The following RTN1 variants were observed in gnomAD, a reference collection of about 807,000 sequenced individuals.
RTN1 encodes the protein reticulon-1.
A neutral mutation model predicts 65.5 loss-of-function variants in RTN1; 25 were observed. The observed-to-expected ratio is 0.38, with a 90% CI of 0.28 to 0.53. RTN1 has a LOEUF of 0.53. Ranked by LOEUF, RTN1 falls within the 20% of genes least tolerant of loss-of-function variation. The pLI, the probability that RTN1 is intolerant of heterozygous loss-of-function variation, is 0.79. For synonymous variants in RTN1, 471 were observed against 447.6 expected, an observed-to-expected ratio of 1.05 and a Z score of -0.66; for missense variants, 983 against 1,025.4, an observed-to-expected ratio of 0.96 and a Z score of 0.57.
intron 1 of RTN1, among the ~76,000 whole-genome samples, chr14:59,780,277 T>C (rs1886129413): frequency 6.6e-6 from 1 of 152,186 alleles, no homozygotes. Flanking sequence ...TGGAGGGTTC[T>C]CAGGAAATAC....
intron 1 of RTN1, 36 bp from the exon 2 acceptor site, chr14:59,746,517 GC>G: frequency 5.2e-6 from 8 of 1,525,682 alleles, no homozygotes; most frequent in Non-Finnish European, 7.0e-6. Context: ...GTGAGTGGGT[GC>G]TTGGCGTCAG....
chr14:59,812,978 A>G (rs1886756288), intron 1 of RTN1, among the ~76,000 whole-genome samples: 1 of 152,170 alleles, frequency 6.6e-6, no homozygotes, highest in African/African-American at 2.4e-5. Flanking sequence ...TTTCTTTTAC[A>G]AAAAAAGACA....
intron 8 of RTN1, among the ~76,000 whole-genome samples, chr14:59,600,500 C>A (rs1311228460): frequency 6.6e-6 from 1 of 152,144 alleles, no homozygotes; most frequent in Admixed American, 6.5e-5. Flanking sequence ...ATGTTCTTAA[C>A]TGTACCACTA....
intron 1 of RTN1, among the ~76,000 whole-genome samples, chr14:59,850,886 C>G (rs1283681554): frequency 6.6e-6 from 1 of 152,112 alleles, no homozygotes; most frequent in Admixed American, 6.5e-5. Flanking sequence ...TTTTCTCTTG[C>G]AAAAGTTTCT....
At position 59,868,708 on chromosome 14, in the gene RTN1, G is replaced by A. The variant is rs1341444523; in HGVS notation, c.241+1682C>T. Among the ~76,000 whole-genome samples the A allele has an allele frequency of 2.0e-5, 3 of 152,142 alleles. No individual in the cohort carries two copies. The highest frequency in any genetic ancestry group is 4.8e-5 in the African/African-American group (2 of 41,436). On this transcript the variant is annotated intron_variant, in intron 1 of 8. Transcript: ENST00000267484. The surrounding 1 kb of genome is among the most constrained non-coding windows in gnomAD (Gnocchi z 4.0). ...TTGTGGATATGTTACTGAGCATGGG[G>A]CACTTAGCTTCCTTTTTCTAGTTCA...
chr14:59,860,363 T>C (rs1016880249), intron 1 of RTN1, among the ~76,000 whole-genome samples: 15 of 152,194 alleles, frequency 9.9e-5, no homozygotes, highest in African/African-American at 2.9e-4. Context: ...AAATCAAGAA[T>C]TGAGGTTTGG....
intron 6 of RTN1, 58 bp downstream of exon 6, chr14:59,603,794 A>G: frequency 5.1e-6 from 7 of 1,380,498 alleles, no homozygotes; most frequent in Non-Finnish European, 7.2e-6. Context: ...ACAGCCTAGG[A>G]AGCAGCGTTT....
intron 3 of RTN1, among the ~76,000 whole-genome samples, chr14:59,699,084 G>T (rs1012181985): frequency 1.3e-5 from 2 of 152,048 alleles, no homozygotes; most frequent in Non-Finnish European, 1.5e-5. Flanking sequence ...AATAGATGTT[G>T]CTGGAAACAT....
intron 1 of RTN1, among the ~76,000 whole-genome samples, chr14:59,852,178 G>A (rs17096709): frequency 0.14 from 20,698 of 152,092 alleles, 1,703 homozygotes; most frequent in South Asian, 0.25. Flanking sequence ...AATTTTCTAC[G>A]TATAATGGCA....
intron 1 of RTN1, among the ~76,000 whole-genome samples, chr14:59,781,673 A>G (rs1325244136): frequency 6.6e-6 from 1 of 152,072 alleles, no homozygotes; most frequent in African/African-American, 2.4e-5. Flanking sequence ...CCATATTTCC[A>G]TTATTATTTG....
chr14:59,676,527 C>G (rs895750249), intron 3 of RTN1, among the ~76,000 whole-genome samples: 3 of 152,102 alleles, frequency 2.0e-5, no homozygotes, highest in Non-Finnish European at 4.4e-5. Flanking sequence ...TAGATGATAC[C>G]TACCTAATCG....
In RTN1 at chr14:59,669,008, G is replaced by A. The variant is rs910824269; in HGVS notation, c.1765+57911C>T. Among the ~76,000 whole-genome samples the A allele has an allele frequency of 3.9e-5, 6 of 152,114 alleles. No homozygotes were observed. In the South Asian group the frequency reaches 1.0e-3, roughly 26 times the overall value. Reference sequence around the variant, plus strand: ...AGGCACCCTTTTACACTCTTGGTGGGAGTGTAAATTAGTTCAACCACTGTG... The same window carrying A: ...AGGCACCCTTTTACACTCTTGGTGGAAGTGTAAATTAGTTCAACCACTGTG... On this transcript the variant is annotated intron_variant, in intron 3 of 8. Transcript: ENST00000267484.
chr14:59,844,792 TATAA>T (rs1184459589), intron 1 of RTN1, among the ~76,000 whole-genome samples: 1 of 152,200 alleles, frequency 6.6e-6, no homozygotes, highest in Non-Finnish European at 1.5e-5. Flanking sequence ...AGGGAAAACA[TATAA>T]ATAAATCTTC....
chr14:59,707,509 C>T (rs568535952), intron 3 of RTN1, among the ~76,000 whole-genome samples: 55 of 152,266 alleles, frequency 3.6e-4, no homozygotes, highest in African/African-American at 1.3e-3. Flanking sequence ...CTTTGTTCTC[C>T]ACTCTCTCCC....
At chr14:59,715,756 G>A (rs1156430158) in intron 3 of RTN1, among the ~76,000 whole-genome samples, 1 of 151,674 alleles carries the variant, frequency 6.6e-6, no homozygotes, top group Non-Finnish European at 1.5e-5. Context: ...AACCTGGGTG[G>A]TGGAGGTTGC....
chr14:59,698,774 C>A (rs61985029), intron 3 of RTN1, among the ~76,000 whole-genome samples: 13,178 of 152,212 alleles, frequency 0.087, 741 homozygotes, highest in Middle Eastern at 0.17. Flanking sequence ...GGACTAATAC[C>A]TAAGGCATTA....
At chr14:59,767,087 C>G (rs985660343) in intron 1 of RTN1, among the ~76,000 whole-genome samples, 5 of 152,158 alleles carry the variant, frequency 3.3e-5, no homozygotes, top group African/African-American at 1.2e-4. Flanking sequence ...AAATTGTCCC[C>G]CAGTGTCTGT....
intron 3 of RTN1, among the ~76,000 whole-genome samples, chr14:59,649,387 C>G (rs1407863964): frequency 6.6e-6 from 1 of 152,134 alleles, no homozygotes; most frequent in East Asian, 1.9e-4. Flanking sequence ...GCAATGGCAA[C>G]AAAAGCCAAA....
chr14:59,745,929 T>A lies in RTN1; in HGVS notation c.794A>T (p.Asp265Val). ...CCTGCGCTGTTCTTCAGAGAGATCATCTATGTATGGAGCAAATGTGGATTC... is the reference window on the plus strand; with the variant it reads ...CCTGCGCTGTTCTTCAGAGAGATCAACTATGTATGGAGCAAATGTGGATTC... ...LEESTFAPYI[D>V]DLSEEQRRAP... Residue 265 changes from aspartate (D) to valine (V), a missense_variant, in exon 2 of 9, where the codon GAT becomes GTT. Physicochemically the swap from Asp to Val is radical, Grantham distance 152 (BLOSUM62 -3). This residue lies in a region of RTN1 where 818 missense variants were observed against 801.8 expected (regional missense o/e 1.02). Coordinates refer to ENST00000267484, the MANE Select transcript of RTN1 (RefSeq NM_021136.3). The A allele has an allele frequency of 6.2e-7, 1 of 1,614,124 alleles. No homozygotes were observed. The highest frequency in any genetic ancestry group is 2.2e-5 in the East Asian group (1 of 44,886).
Sources: gnomAD v4.1 joint callset for allele counts (sites outside exome capture counted in the v4.1 genomes callset) on GRCh38, gnomAD v4.1.1 for gene constraint, gnomAD v4.1.1 regional missense constraint, Gnocchi (gnomAD v3.1) non-coding constraint, MANE v1.5 for transcripts, NCBI Gene and HGNC (gene_info 2026-07-23, HGNC 2026-07-21) for gene names.